Variants in NOTCH2 observed in about 807,000 individuals in gnomAD.
The protein encoded by NOTCH2 is notch receptor 2, also known as neurogenic locus notch homolog protein 2.
NOTCH2 carries 29 observed loss-of-function variants against 235.8 expected under a neutral mutation model. That is an observed-to-expected ratio of 0.12 (90% CI 0.09 to 0.17). The LOEUF (loss-of-function observed/expected upper bound fraction) is 0.17. Ranked by LOEUF, NOTCH2 falls within the 10% of genes least tolerant of loss-of-function variation. NOTCH2 has a pLI of 1.00. For missense variants in NOTCH2, 2,285 were observed against 3,150.2 expected, an observed-to-expected ratio of 0.73 and a Z score of 6.57; for synonymous variants, 1,086 against 1,141.5, an observed-to-expected ratio of 0.95 and a Z score of 0.98.
At chr1:120,069,051 A>G in intron 1 of NOTCH2, 2 of 1,446,898 alleles carry the variant, frequency 1.4e-6, no homozygotes, top group South Asian at 2.5e-5. Context: ...ACTACGAAAA[A>G]GGAGTTTCTG....
chr1:119,940,601 G>C lies in NOTCH2; in HGVS notation c.3137C>G (p.Thr1046Ser). ...NEGTCVDGLGTYRCSCPLGYT... is the reference protein window; with the variant it reads ...NEGTCVDGLGSYRCSCPLGYT... ...GCCCAGGGGGCAGCTGCAGCGGTAG[G>C]TACCCAGGCCATCAACACACGTTCC... The change falls in exon 19 of 34, where the codon ACC (threonine) becomes AGC (serine). Residue 1046 changes from threonine (T) to serine (S), a missense_variant. By Grantham distance (58) the Thr-to-Ser change is moderately conservative. Coordinates refer to ENST00000256646, the MANE Select transcript of NOTCH2 (RefSeq NM_024408.4). 1 of 1,614,128 alleles carries C rather than the reference G, an allele frequency of 6.2e-7. No individual in the cohort carries two copies. The highest frequency in any genetic ancestry group is 1.7e-4 in the Middle Eastern group (1 of 6,038).
intron 2 of NOTCH2, among the ~76,000 whole-genome samples, chr1:120,009,469 T>C (rs1199088613): frequency 4.0e-5 from 6 of 151,538 alleles, no homozygotes; most frequent in African/African-American, 1.5e-4. Context: ...ACCCACACTT[T>C]CATGAGGTCC....
chr1:119,944,900 T>G (rs1650200396), intron 17 of NOTCH2, among the ~76,000 whole-genome samples: 1 of 151,986 alleles, frequency 6.6e-6, no homozygotes. Context: ...AGAAGGAAAA[T>G]GATACCTGAT....
intron 32 of NOTCH2, 23 bp downstream of exon 32, chr1:119,918,382 CA>C: frequency 1.2e-6 from 2 of 1,613,414 alleles, no homozygotes; most frequent in Non-Finnish European, 8.5e-7. Context: ...GGTAAGAATC[CA>C]AATCCCTGCC....
Position 119,914,199 on chromosome 1 carries a change from GGTGA to G in NOTCH2, c.*1103_*1106del, listed in dbSNP as rs1262147234. The G allele has an allele frequency of 6.0e-5, 14 of 233,070 alleles. No individual in the cohort carries two copies. Among genetic ancestry groups the G allele is most frequent in the Non-Finnish European group, 9.3e-5 (11 of 118,012 alleles). 14.4% of individuals were successfully genotyped at this position (233,070 alleles called of 1,614,324 possible). On this transcript the variant is annotated 3_prime_UTR_variant, in exon 34 of 34. Transcript: ENST00000256646. ...CAGTTAAGACTAGTTTCATATGCTGGGTGAGTGAGTGAAACAGGCCTAGAATGCT... is the reference window on the plus strand; with the variant it reads ...CAGTTAAGACTAGTTTCATATGCTGGGTGAGTGAAACAGGCCTAGAATGCT...
intron 5 of NOTCH2, among the ~76,000 whole-genome samples, chr1:119,971,957 G>T (rs587607512): frequency 2.1e-4 from 32 of 152,102 alleles, no homozygotes; most frequent in South Asian, 1.0e-3. Context: ...GTGAATGGGG[G>T]AGGTAATGAG....
chr1:120,045,962 T>G (rs1553213558), intron 1 of NOTCH2, among the ~76,000 whole-genome samples: 2 of 152,272 alleles, frequency 1.3e-5, no homozygotes. Flanking sequence ...AAAAAACATA[T>G]AAGCTTTACT....
At chr1:120,057,107 T>C (rs1553215398) in intron 1 of NOTCH2, among the ~76,000 whole-genome samples, 1 of 131,356 alleles carries the variant, frequency 7.6e-6, no homozygotes, top group Non-Finnish European at 1.5e-5. Context: ...TCCCAATCAC[T>C]CATCCACTTT....
In NOTCH2 at chr1:119,949,081, C is replaced by A; in HGVS notation, c.2525G>T (p.Cys842Phe). Residue 842 changes from cysteine (C) to phenylalanine (F), a missense_variant, in exon 16 of 34, where the codon TGT (cysteine) becomes TTT (phenylalanine). By Grantham distance (205) the Cys-to-Phe change is radical. Around this residue, in one of 6 missense-constraint regions of NOTCH2, gnomAD observed 1,173 missense variants for 1,515.3 expected, o/e 0.77. Transcript: ENST00000256646. ...TVLAPCSPNP[C>F]ENAAVCKESP... ...CTCTTTGCAAACAGCAGCATTCTCA[C>A]AAGGGTTTGGGGAACAGGGAGCCAA... is the stretch of plus-strand genomic sequence containing the variant. 1 of 1,614,180 alleles carries A rather than the reference C, an allele frequency of 6.2e-7. No homozygotes were observed. The highest frequency in any genetic ancestry group is 8.5e-7 in the Non-Finnish European group (1 of 1,180,022).
intron 22 of NOTCH2, 65 bp downstream of exon 22, chr1:119,935,407 C>A (rs1190945881): frequency 6.2e-7 from 1 of 1,613,302 alleles, no homozygotes; most frequent in African/African-American, 1.3e-5. Context: ...CCCCTGAACA[C>A]TAAGAATGGA....
At chr1:119,971,885 C>T (rs757540629) in intron 5 of NOTCH2, among the ~76,000 whole-genome samples, 3 of 151,902 alleles carry the variant, frequency 2.0e-5, no homozygotes, top group South Asian at 2.1e-4. Context: ...TAATTTGAAA[C>T]GAGGCTGTGT....
At chr1:119,975,216 A>G (rs1466051248) in intron 5 of NOTCH2, among the ~76,000 whole-genome samples, 1 of 151,006 alleles carries the variant, frequency 6.6e-6, no homozygotes, top group Non-Finnish European at 1.5e-5. Flanking sequence ...GAGTGCTACA[A>G]GTGAAGATGA....
At chr1:119,934,007 A>G (rs1410587457) in intron 22 of NOTCH2, among the ~76,000 whole-genome samples, 2 of 152,244 alleles carry the variant, frequency 1.3e-5, no homozygotes, top group South Asian at 2.1e-4. Flanking sequence ...TTCAAACCAC[A>G]TATCTAAAAC....
rs372056664 is a variant in NOTCH2 at position 119,955,009 on chromosome 1, T to C, written c.2219+31A>G. 4.8e-5 allele frequency: 78 copies of C among 1,610,764 alleles called. 1 individual carries two copies. In the Middle Eastern group the frequency reaches 1.2e-3, roughly 25 times the overall value. On this transcript the variant is annotated intron_variant, in intron 13 of 33. Transcript: ENST00000256646. ...AGCCAACTGGCTTAACACAGGTCAA[T>C]AAGAAACTATCACATGGGGCAGCTA...
At chr1:120,064,631 C>T (rs1205458934) in intron 1 of NOTCH2, among the ~76,000 whole-genome samples, 2 of 150,146 alleles carry the variant, frequency 1.3e-5, no homozygotes, top group African/African-American at 4.9e-5. Context: ...AGACCTGGCC[C>T]TCAAGGATCA....
chr1:119,921,967 G>A (rs941450313), intron 28 of NOTCH2, among the ~76,000 whole-genome samples, 158 bp from the exon 29 acceptor site: 2 of 152,108 alleles, frequency 1.3e-5, no homozygotes, highest in Non-Finnish European at 2.9e-5. Context: ...ACATTCCCTT[G>A]GCATTCATCC....
rs367746128 is a variant in NOTCH2 at position 119,926,586 on chromosome 1, A to G, written c.3918T>C (p.Asp1306=). The change falls in exon 24 of 34, where the codon GAT becomes GAC. Residue 1306 remains aspartate, a synonymous_variant. Transcript: ENST00000256646. The part of the protein sequence containing the change: ...FTGRHCETFV[D]VCPQMPCLNG... ...TCAGGCAGGGCATCTGGGGACACAC[A>G]TCGACGAAGGTTTCACAGTGCCGGC... 5.6e-6 allele frequency: 9 copies of G among 1,608,938 alleles called. No homozygotes were observed. The Middle Eastern group carries it at 5.0e-4, about 89-fold the overall frequency.
chr1:119,940,518 C>G (rs1230402946), intron 19 of NOTCH2, 37 bp downstream of exon 19: 19 of 1,580,760 alleles, frequency 1.2e-5, no homozygotes, highest in Non-Finnish European at 1.5e-5. Flanking sequence ...TTCAGCTGCT[C>G]TAGGGGAGCT....
intron 23 of NOTCH2, among the ~76,000 whole-genome samples, chr1:119,928,270 C>A (rs978118471): frequency 2.0e-5 from 3 of 152,170 alleles, no homozygotes; most frequent in South Asian, 2.1e-4. Flanking sequence ...CATGGCCAAG[C>A]CTTTACTGGG....
Sources: allele counts gnomAD v4.1 joint callset (sites outside exome capture counted in the v4.1 genomes callset), GRCh38; gene constraint gnomAD v4.1.1; regional missense constraint gnomAD v4.1.1; transcripts MANE v1.5; gene names NCBI Gene and HGNC (gene_info 2026-07-23, HGNC 2026-07-21).